Variants in CAB39L observed in about 807,000 individuals in gnomAD.
The protein encoded by CAB39L is calcium binding protein 39 like, also known as calcium-binding protein 39-like.
A neutral mutation model predicts 39.1 loss-of-function variants in CAB39L; 23 were observed. The ratio of observed to expected loss-of-function variants is 0.59; its 90% CI spans 0.42 to 0.83. The LOEUF is 0.83. Ranked by LOEUF, CAB39L falls within the 40% of genes least tolerant of loss-of-function variation. The probability of loss-of-function intolerance (pLI) is 0.00; values close to 1 mark genes in which losing one functional copy is unlikely to be tolerated. For missense variants in CAB39L, 366 were observed against 391.9 expected, an observed-to-expected ratio of 0.93 and a Z score of 0.56; for synonymous variants, 126 against 137.2, an observed-to-expected ratio of 0.92 and a Z score of 0.57.
At chr13:49,318,293 C>A (rs992451694) in intron 10 of CAB39L, among the ~76,000 whole-genome samples, 1 of 150,870 alleles carries the variant, frequency 6.6e-6, no homozygotes, top group Admixed American at 6.6e-5. Context: ...CACAGCAAGA[C>A]CCTGTCTCCA....
At chr13:49,396,108 A>AAAAAAAAAAAAG (rs1956618022) in intron 3 of CAB39L, among the ~76,000 whole-genome samples, 1 of 148,020 alleles carries the variant, frequency 6.8e-6, no homozygotes, top group Admixed American at 6.7e-5. Flanking sequence ...AAAAAAAAAA[A>AAAAAAAAAAAAG]CTTAAAAAAA....
chr13:49,441,981 G>A (rs1246738971), intron 1 of CAB39L, among the ~76,000 whole-genome samples: 2 of 152,156 alleles, frequency 1.3e-5, no homozygotes, highest in African/African-American at 4.8e-5. Flanking sequence ...ACTATTTGCA[G>A]TCTCACCAGC....
chr13:49,408,641 T>C (rs1956929852), intron 3 of CAB39L, among the ~76,000 whole-genome samples: 1 of 152,026 alleles, frequency 6.6e-6, no homozygotes, highest in Non-Finnish European at 1.5e-5. Context: ...CTGGACAACA[T>C]GGCAAGACCC....
At chr13:49,339,800 G>A in intron 8 of CAB39L, 58 bp from the exon 9 acceptor site, 1 of 1,400,506 alleles carries the variant, frequency 7.1e-7, no homozygotes, top group South Asian at 1.8e-5. Context: ...CTCCGTATTA[G>A]GCTGGCTTGC....
intron 3 of CAB39L, among the ~76,000 whole-genome samples, chr13:49,393,434 T>G (rs369871307): frequency 2.2e-4 from 34 of 152,174 alleles, no homozygotes; most frequent in African/African-American, 8.2e-4. Flanking sequence ...GATGTACTTA[T>G]AGATGTATGT....
intron 3 of CAB39L, among the ~76,000 whole-genome samples, chr13:49,387,108 A>C (rs1480588590): frequency 6.6e-6 from 1 of 152,174 alleles, no homozygotes; most frequent in Non-Finnish European, 1.5e-5. Context: ...ACCCCCTTCT[A>C]GGTGTCACTT....
At chr13:49,423,327 C>T (rs1957199944) in intron 3 of CAB39L, among the ~76,000 whole-genome samples, 1 of 152,172 alleles carries the variant, frequency 6.6e-6, no homozygotes, top group Non-Finnish European at 1.5e-5. Flanking sequence ...AGAGATGATG[C>T]CTGTGCAGAT....
chr13:49,377,107 G>A lies in CAB39L; in HGVS notation c.136C>T (p.Leu46=). 1 of 1,613,512 alleles carries A rather than the reference G, an allele frequency of 6.2e-7. No individual in the cohort carries two copies. Among genetic ancestry groups the A allele is most frequent in the Non-Finnish European group, 8.5e-7 (1 of 1,179,558 alleles). The change falls in exon 5 of 11, where the codon CTG becomes TTG. Residue 46 remains leucine, a synonymous_variant. Coordinates refer to ENST00000409308, the MANE Select transcript of CAB39L (RefSeq NM_001079670.3). ...CACAGAATTTCTTTCATTGCTTGCA[G>A]TGATTTAGACACTTCTTCTGAAGCC... ...DKASEEVSKS[L]QAMKEILCGT...
intron 10 of CAB39L, among the ~76,000 whole-genome samples, chr13:49,329,544 AATATAT>A (rs1179579885): frequency 0.014 from 467 of 33,448 alleles, 5 homozygotes; most frequent in South Asian, 0.018. Context: ...TAAAAAAAAA[AATATAT>A]ATATATATAT....
rs184610749 is a variant in CAB39L, at chr13:49,354,697, C to G, written c.396-3785G>C. On this transcript the variant is annotated intron_variant, in intron 6 of 10. Coordinates refer to ENST00000409308, the MANE Select transcript of CAB39L (RefSeq NM_001079670.3). ...TTCCCTCTTGATTTGTAATTTAGAT[C>G]ATATAGTCTGGACTATAATGAACTG... Among the ~76,000 whole-genome samples the G allele has an allele frequency of 2.0e-5, 3 of 152,290 alleles. No homozygotes were observed. In the East Asian group the frequency reaches 5.8e-4, roughly 29 times the overall value.
At position 49,359,829 on chromosome 13, in the gene CAB39L, T is replaced by C. The variant is rs1955583813; in HGVS notation, c.280A>G (p.Lys94Glu). The change falls in exon 6 of 11, where the codon AAA (lysine) becomes GAA (glutamate). Residue 94 changes from lysine (K) to glutamate (E), a missense_variant. Physicochemically the swap from Lys to Glu is moderately conservative, Grantham distance 56. Transcript: ENST00000409308. Reference protein sequence around the residue: ...ADLQLIDFEGKKDVTQIFNNI... With the variant: ...ADLQLIDFEGEKDVTQIFNNI... ...TTAAATATCTGGGTCACATCTTTTT[T>C]TCCCTGTTAAAGAAACAAACAGAAA... 2 of 1,590,768 alleles carry C rather than the reference T, an allele frequency of 1.3e-6. No individual in the cohort carries two copies. The highest frequency in any genetic ancestry group is 1.7e-6 in the Non-Finnish European group (2 of 1,159,668).
At chr13:49,322,940 A>G (rs1954392932) in intron 10 of CAB39L, among the ~76,000 whole-genome samples, 1 of 152,346 alleles carries the variant, frequency 6.6e-6, no homozygotes, top group South Asian at 2.1e-4. Context: ...ATGATATTCT[A>G]TGAAACATGT....
chr13:49,354,162 C>G (rs1194168456), intron 6 of CAB39L, among the ~76,000 whole-genome samples: 10 of 152,170 alleles, frequency 6.6e-5, no homozygotes, highest in Admixed American at 1.3e-4. Flanking sequence ...GATGCACTGA[C>G]AGTTTATTCT....
chr13:49,385,918 G>A (rs7139781), intron 3 of CAB39L, among the ~76,000 whole-genome samples: 16,439 of 145,798 alleles, frequency 0.11, 2,158 homozygotes, highest in African/African-American at 0.32. Flanking sequence ...AATGTATCAA[G>A]AGATACAAAG....
chr13:49,384,741 T>C (rs1956321859), intron 3 of CAB39L, among the ~76,000 whole-genome samples: 1 of 152,180 alleles, frequency 6.6e-6, no homozygotes, highest in African/African-American at 2.4e-5. Flanking sequence ...AACCTCCTTG[T>C]AAACCTCCAT....
At chr13:49,406,539 C>T (rs112698375) in intron 3 of CAB39L, among the ~76,000 whole-genome samples, 2 of 151,742 alleles carry the variant, frequency 1.3e-5, no homozygotes, top group Non-Finnish European at 2.9e-5. Flanking sequence ...ACCCTATTTA[C>T]CCTGAGGTGA....
intron 3 of CAB39L, among the ~76,000 whole-genome samples, chr13:49,430,391 C>G (rs979802627): frequency 6.6e-6 from 1 of 152,228 alleles, no homozygotes; most frequent in South Asian, 2.1e-4. Flanking sequence ...AGCTCCCAGA[C>G]CCACACAAGG....
In CAB39L at chr13:49,440,722, G is replaced by A. The variant is rs911408627; in HGVS notation, c.-246+3264C>T. 1.4e-4 allele frequency among the ~76,000 whole-genome samples: 14 copies of A among 101,154 alleles called. No individual in the cohort carries two copies. The East Asian group carries it at 5.1e-3, about 37-fold the overall frequency. 66.4% of individuals were successfully genotyped at this position (101,154 alleles called of 152,430 possible). On this transcript the variant is annotated intron_variant, in intron 1 of 10. Coordinates refer to ENST00000409308, the MANE Select transcript of CAB39L (RefSeq NM_001079670.3). ...TTAGAGGTATTCCTAGGCAGTGTGT[G>A]TGTGTGTGTGTGTGTGTGTGTGTGT...
Position 49,434,287 on chromosome 13 carries a change from A to G in CAB39L, c.-245-64T>C, listed in dbSNP as rs765589125. On this transcript the variant is annotated intron_variant, in intron 1 of 10. Coordinates refer to ENST00000409308, the MANE Select transcript of CAB39L (RefSeq NM_001079670.3). ...CACATCAATCTGGTTTTAAATCTCA[A>G]TCTTCTACTTAGTAACTGGCTAATC... The G allele has an allele frequency of 4.5e-5, 18 of 401,304 alleles. No homozygotes were observed. The Middle Eastern group carries it at 1.2e-3, about 27-fold the overall frequency. The allele number at this position is 401,304 out of a possible 1,614,324, so 24.9% of individuals were successfully genotyped here.
Sources: gnomAD v4.1 joint callset for allele counts (sites outside exome capture counted in the v4.1 genomes callset) on GRCh38, gnomAD v4.1.1 for gene constraint, MANE v1.5 for transcripts, NCBI Gene and HGNC (gene_info 2026-07-23, HGNC 2026-07-21) for gene names.